The following HDX variants were observed in gnomAD, a reference collection of about 807,000 sequenced individuals.
HDX encodes chromosome X open reading frame 43.
In HDX, 19 loss-of-function variants were observed where a neutral mutation model predicts 45.2. The ratio of observed to expected loss-of-function variants is 0.42; its 90% CI spans 0.29 to 0.62. HDX has a LOEUF of 0.62. Ranked by LOEUF, HDX falls within the 20% of genes least tolerant of loss-of-function variation. The pLI, the probability that HDX is intolerant of heterozygous loss-of-function variation, is 0.20. For synonymous variants in HDX, 188 were observed against 172.8 expected, an observed-to-expected ratio of 1.09 and a Z score of -0.69; for missense variants, 532 against 493.9, an observed-to-expected ratio of 1.08 and a Z score of -0.73.
intron 5 of HDX, among the ~76,000 whole-genome samples, chrX:84,386,730 AT>A (rs907025280): frequency 9.0e-6 from 1 of 110,782 alleles, no homozygotes; most frequent in Non-Finnish European, 1.9e-5. Flanking sequence ...AATTATTTGG[AT>A]TTTTTCTGTG....
chrX:84,390,241 T>G (rs1398054303), intron 5 of HDX, among the ~76,000 whole-genome samples: 1 of 111,344 alleles, frequency 9.0e-6, no homozygotes, highest in Non-Finnish European at 1.9e-5. Flanking sequence ...AACCACACTC[T>G]CTAATGACAT....
intron 5 of HDX, among the ~76,000 whole-genome samples, chrX:84,373,226 C>G: frequency 9.0e-6 from 1 of 111,269 alleles, no homozygotes; most frequent in Middle Eastern, 4.7e-3. Flanking sequence ...GCTATTTTGA[C>G]GAGGAGCACT....
At chrX:84,499,827 A>G (rs2041082602) in intron 1 of HDX, among the ~76,000 whole-genome samples, 1 of 111,804 alleles carries the variant, frequency 8.9e-6, no homozygotes, top group Non-Finnish European at 1.9e-5. Flanking sequence ...AGCCTGAAGG[A>G]TAGGAAAGTG....
At chrX:84,479,911 TTGAG>T (rs2148167357) in intron 2 of HDX, among the ~76,000 whole-genome samples, 1 of 111,427 alleles carries the variant, frequency 9.0e-6, no homozygotes, top group South Asian at 3.8e-4. Context: ...TTACTTATTA[TTGAG>T]TATTGAGGGT....
intron 5 of HDX, among the ~76,000 whole-genome samples, chrX:84,371,950 C>T (rs1378567748): frequency 9.0e-6 from 1 of 111,556 alleles, no homozygotes; most frequent in Non-Finnish European, 1.9e-5. Context: ...TATATGTCTC[C>T]ATTGTTTAGT....
intron 5 of HDX, among the ~76,000 whole-genome samples, chrX:84,408,654 A>G (rs1396242895): frequency 9.1e-6 from 1 of 109,570 alleles, no homozygotes; most frequent in Non-Finnish European, 1.9e-5. Flanking sequence ...TTATTTAAAC[A>G]TCATACCCCT....
At chrX:84,459,641 AAAAG>A (rs1324531215) in intron 4 of HDX, among the ~76,000 whole-genome samples, 22 of 107,279 alleles carry the variant, frequency 2.1e-4, no homozygotes, top group African/African-American at 5.7e-4. Flanking sequence ...AGAGAACTAG[AAAAG>A]AAAGAGCAAA....
chrX:84,418,446 T>A (rs2039165298), intron 5 of HDX, among the ~76,000 whole-genome samples: 1 of 111,355 alleles, frequency 9.0e-6, no homozygotes, highest in South Asian at 3.7e-4. Flanking sequence ...GTGGTATGTA[T>A]TAGGGGGGTA....
intron 3 of HDX, among the ~76,000 whole-genome samples, chrX:84,473,159 T>G (rs1250646706): frequency 1.8e-5 from 2 of 109,250 alleles, no homozygotes; most frequent in Non-Finnish European, 3.8e-5. Flanking sequence ...TGTTTTCTTG[T>G]TTTTTTTACA....
At chrX:84,457,186 G>A (rs917623933) in intron 4 of HDX, among the ~76,000 whole-genome samples, 1 of 111,155 alleles carries the variant, frequency 9.0e-6, no homozygotes, top group East Asian at 2.8e-4. Flanking sequence ...TATGCTTACA[G>A]AAGTACACAC....
intron 5 of HDX, among the ~76,000 whole-genome samples, chrX:84,408,499 GTTT>G (rs1220751208): frequency 2.3e-5 from 1 of 44,444 alleles, no homozygotes; most frequent in Non-Finnish European, 3.9e-5. Context: ...CTCCAGCTTT[GTTT>G]TTTTTTTTTT....
At chrX:84,352,535 A>C (rs372858255) in intron 6 of HDX, among the ~76,000 whole-genome samples, 13 of 111,616 alleles carry the variant, frequency 1.2e-4, no homozygotes, top group East Asian at 1.1e-3. Flanking sequence ...TACGAGGCAC[A>C]TGAGACATTT....
intron 1 of HDX, among the ~76,000 whole-genome samples, chrX:84,494,048 C>A (rs899639791): frequency 2.3e-4 from 26 of 110,866 alleles, no homozygotes; most frequent in African/African-American, 8.2e-4. Context: ...GTAAAAAGAT[C>A]AATTTCAAAT....
At chrX:84,472,746 G>C (rs1051267749) in intron 3 of HDX, among the ~76,000 whole-genome samples, 1 of 110,973 alleles carries the variant, frequency 9.0e-6, no homozygotes, top group Non-Finnish European at 1.9e-5. Flanking sequence ...AAAAGTAAGG[G>C]TTCAATTGTT....
chrX:84,336,672 G>C, intron 8 of HDX, 129 bp downstream of exon 8: 1 of 460,882 alleles, frequency 2.2e-6, no homozygotes. Context: ...AATTTCATTG[G>C]AAAGAGGTCT....
chrX:84,329,101 T>C (rs887499828), intron 9 of HDX, among the ~76,000 whole-genome samples: 1 of 112,033 alleles, frequency 8.9e-6, no homozygotes, highest in Non-Finnish European at 1.9e-5. Flanking sequence ...CAAGGTTTTA[T>C]CTTGCAGATG....
rs1027446943 is a variant in HDX at position 84,318,760 on chromosome X, T to C, written c.*3129A>G. 1.8e-5 allele frequency: 2 copies of C among 111,315 alleles called. No homozygotes were observed. The highest frequency in any genetic ancestry group is 6.5e-5 in the African/African-American group (2 of 30,802). The allele number at this position is 111,315 out of a possible 1,213,427, so 9.2% of individuals were successfully genotyped here. A position where few individuals can be genotyped will look rare whatever the true frequency, so the allele number is the denominator to read the frequency against. Reference sequence around the variant, plus strand: ...GTCGAATAAAGAGTACAGGGTATAATTGGGTCTCAGCCTTTTCTTCTCCAA... The same window carrying C: ...GTCGAATAAAGAGTACAGGGTATAACTGGGTCTCAGCCTTTTCTTCTCCAA... On this transcript the variant is annotated 3_prime_UTR_variant, in exon 11 of 11. Transcript: ENST00000373177.
chrX:84,487,923 T>C (rs1241282026), intron 2 of HDX, 101 bp downstream of exon 2: 1 of 112,172 alleles, frequency 8.9e-6, no homozygotes, highest in Non-Finnish European at 1.9e-5. Flanking sequence ...CCAGCTGCTA[T>C]TGCAGTTTTA....
At chrX:84,422,208 A>T (rs1225338864) in intron 5 of HDX, among the ~76,000 whole-genome samples, 1 of 112,267 alleles carries the variant, frequency 8.9e-6, no homozygotes, top group African/African-American at 3.2e-5. Context: ...CAATGAAATA[A>T]ATAACAAAAG....
Sources: allele counts gnomAD v4.1 joint callset (sites outside exome capture counted in the v4.1 genomes callset), GRCh38; gene constraint gnomAD v4.1.1; transcripts MANE v1.5; gene names NCBI Gene and HGNC (gene_info 2026-07-23, HGNC 2026-07-21).